The following NYAP2 variants were observed in gnomAD, a reference collection of about 807,000 sequenced individuals.
NYAP2 encodes the protein neuronal tyrosine-phosphorylated phosphoinositide-3-kinase adapter 2.
In NYAP2, 23 loss-of-function variants were observed where a neutral mutation model predicts 50.4. The observed-to-expected ratio is 0.46, with a 90% confidence interval of 0.33 to 0.65. The LOEUF is 0.65. Ranked by LOEUF, NYAP2 falls within the 30% of genes least tolerant of loss-of-function variation. The pLI, the probability that NYAP2 is intolerant of heterozygous loss-of-function variation, is 0.02. For synonymous variants in NYAP2, 394 were observed against 365.2 expected, an observed-to-expected ratio of 1.08 and a Z score of -0.90; for missense variants, 885 against 861.0, an observed-to-expected ratio of 1.03 and a Z score of -0.35.
At chr2:225,520,887 G>A (rs529563304) in intron 4 of NYAP2, among the ~76,000 whole-genome samples, 1 of 152,186 alleles carries the variant, frequency 6.6e-6, no homozygotes, top group South Asian at 2.1e-4. Flanking sequence ...TCATGGTATT[G>A]ATTCTTCCTA....
At chr2:225,513,263 TA>T in intron 3 of NYAP2, 107 bp from the exon 4 acceptor site, 1 of 984,042 alleles carries the variant, frequency 1.0e-6, no homozygotes. Context: ...TTCACCGGAC[TA>T]AAATGAAGAT....
chr2:225,588,782 A>G (rs1692436197), intron 5 of NYAP2, among the ~76,000 whole-genome samples: 2 of 152,160 alleles, frequency 1.3e-5, no homozygotes, highest in Non-Finnish European at 2.9e-5. Flanking sequence ...CAAAATGTTG[A>G]GCAAGTTGAC....
In NYAP2 at chr2:225,582,355, G is replaced by C. The variant is rs1470684826; in HGVS notation, c.938G>C (p.Cys313Ser). 6.2e-7 allele frequency: 1 copy of C among 1,612,994 alleles called. No individual in the cohort carries two copies. The highest frequency in any genetic ancestry group is 8.5e-7 in the Non-Finnish European group (1 of 1,179,368). The stretch of plus-strand genomic sequence containing the variant: ...GACTTCGCCAAGGCCTCAGTGCCAT[G>C]CCCCCCCAAGGGGCTGCTTTGCGAC... Residue 313 changes from cysteine to serine, a missense_variant, in exon 5 of 7, where the codon TGC (cysteine) becomes TCC (serine). By Grantham distance (112) the Cys-to-Ser change is moderately radical. Coordinates refer to ENST00000636099, the Ensembl canonical transcript of NYAP2. The surrounding 1 kb of genome is among the most constrained non-coding windows in gnomAD (Gnocchi z 7.0).
At chr2:225,599,889 T>C (rs2106240984) in intron 5 of NYAP2, among the ~76,000 whole-genome samples, 1 of 152,302 alleles carries the variant, frequency 6.6e-6, no homozygotes, top group South Asian at 2.1e-4. Context: ...ACATTTACAA[T>C]TTCAACTATT....
chr2:225,655,900 A>ACACACACACAC (rs1451373183), downstream of NYAP2, among the ~76,000 whole-genome samples: 1 of 142,316 alleles, frequency 7.0e-6, no homozygotes, highest in Non-Finnish European at 1.6e-5. Context: ...ACACACACAC[A>ACACACACACAC]CACACACACA....
chr2:225,469,545 T>G (rs1689979004), intron 3 of NYAP2, among the ~76,000 whole-genome samples: 1 of 152,158 alleles, frequency 6.6e-6, no homozygotes, highest in South Asian at 2.1e-4. Flanking sequence ...TAAAGACACA[T>G]GCATACTATG....
chr2:225,656,681 A>G (rs551781171), downstream of NYAP2, among the ~76,000 whole-genome samples: 1 of 152,256 alleles, frequency 6.6e-6, no homozygotes, highest in South Asian at 2.1e-4. Flanking sequence ...TACAGACTTA[A>G]AAAAAGAAGA....
At chr2:225,589,839 G>A (rs1692464813) in intron 5 of NYAP2, among the ~76,000 whole-genome samples, 1 of 152,150 alleles carries the variant, frequency 6.6e-6, no homozygotes, top group Non-Finnish European at 1.5e-5. Flanking sequence ...GAAGGTTGGA[G>A]GAGGGAGTCT....
At chr2:225,683,267 AC>A in the NYAP2 span, among the ~76,000 whole-genome samples, 1 of 152,074 alleles carries the variant, frequency 6.6e-6, no homozygotes, top group East Asian at 1.9e-4. Context: ...TAATGCCATG[AC>A]CCACAGGCAA....
At chr2:225,647,359 G>A (rs1027223565) in intron 6 of NYAP2, among the ~76,000 whole-genome samples, 7 of 152,176 alleles carry the variant, frequency 4.6e-5, no homozygotes, top group Non-Finnish European at 1.0e-4. Context: ...TAAGTTACTA[G>A]GATATTGTAT....
chr2:225,615,000 A>C (rs946274195), intron 5 of NYAP2, among the ~76,000 whole-genome samples: 2 of 152,208 alleles, frequency 1.3e-5, no homozygotes, highest in African/African-American at 4.8e-5. Context: ...TGGGTGTGAC[A>C]GCCTCTAAAA....
chr2:225,674,582 G>A, the NYAP2 span, among the ~76,000 whole-genome samples: 1 of 152,032 alleles, frequency 6.6e-6, no homozygotes, highest in Non-Finnish European at 1.5e-5. Context: ...AGAGGGTGCA[G>A]GAAAACTGCC....
intron 4 of NYAP2, among the ~76,000 whole-genome samples, chr2:225,541,758 G>A (rs909591714): frequency 1.3e-5 from 2 of 152,024 alleles, no homozygotes; most frequent in Admixed American, 1.3e-4. Flanking sequence ...GCTTGAGATA[G>A]CTTTAGCTAT....
chr2:225,545,311 A>G (rs1401100580), intron 4 of NYAP2, among the ~76,000 whole-genome samples: 3 of 152,142 alleles, frequency 2.0e-5, no homozygotes, highest in African/African-American at 7.2e-5. Context: ...CTTTAAGGCC[A>G]ATCACTCTTA....
At chr2:225,651,775 G>A (rs1377251007) in exon 7 of NYAP2, 3 of 564,100 alleles carry the variant, frequency 5.3e-6, no homozygotes, top group Non-Finnish European at 9.2e-6. Flanking sequence ...TTACCAAATC[G>A]TTTTTGTCTC....
chr2:225,408,059 A>C (rs1694970770), intron 2 of NYAP2, among the ~76,000 whole-genome samples: 1 of 151,948 alleles, frequency 6.6e-6, no homozygotes, highest in Non-Finnish European at 1.5e-5. Flanking sequence ...TACAGTTGAG[A>C]GTAATATATA....
At chr2:225,446,291 G>T (rs1332360828) in intron 3 of NYAP2, among the ~76,000 whole-genome samples, 3 of 132,008 alleles carry the variant, frequency 2.3e-5, no homozygotes, top group East Asian at 2.3e-4. Context: ...TGTGGAATTA[G>T]GAAGCAGAAA....
intron 2 of NYAP2, among the ~76,000 whole-genome samples, chr2:225,401,807 T>A (rs1185346070): frequency 6.6e-6 from 1 of 152,024 alleles, no homozygotes; most frequent in African/African-American, 2.4e-5. Context: ...TGGGAAATAC[T>A]AAAGTTCTTT....
intron 3 of NYAP2, among the ~76,000 whole-genome samples, chr2:225,419,290 T>C (rs1695177696): frequency 6.6e-6 from 1 of 152,236 alleles, no homozygotes; most frequent in Non-Finnish European, 1.5e-5. Flanking sequence ...AAGATTCAGT[T>C]ATTAGCATTG....
Sources: allele counts gnomAD v4.1 joint callset (sites outside exome capture counted in the v4.1 genomes callset), GRCh38; gene constraint gnomAD v4.1.1; non-coding constraint Gnocchi (gnomAD v3.1); transcripts MANE v1.5; gene names NCBI Gene and HGNC (gene_info 2026-07-23, HGNC 2026-07-21).